The following MYLK4 variants were observed in gnomAD, a reference collection of about 807,000 sequenced individuals.
The protein encoded by MYLK4 is myosin light chain kinase family member 4.
In MYLK4, 46 loss-of-function variants were observed where a neutral mutation model predicts 48.1. The ratio of observed to expected loss-of-function variants is 0.96; its 90% CI spans 0.75 to 1.22. The LOEUF (loss-of-function observed/expected upper bound fraction) is 1.22, where lower values mean the gene tolerates loss of function less well. MYLK4 is among the 50% of genes most tolerant of loss of function. MYLK4 has a pLI of 0.00. For missense variants in MYLK4, 451 were observed against 486.1 expected, an observed-to-expected ratio of 0.93 and a Z score of 0.68; for synonymous variants, 170 against 180.8, an observed-to-expected ratio of 0.94 and a Z score of 0.48.
chr6:2,763,415 G>A, the MYLK4 span, among the ~76,000 whole-genome samples: 1 of 152,244 alleles, frequency 6.6e-6, no homozygotes, highest in Non-Finnish European at 1.5e-5. Flanking sequence ...GGCTTGGGCC[G>A]CGCAGGAGTC....
At chr6:2,769,155 G>A in the MYLK4 span, among the ~76,000 whole-genome samples, 566 of 152,184 alleles carry the variant, frequency 3.7e-3, 3 homozygotes, top group Non-Finnish European at 6.9e-3. Flanking sequence ...TCCAGTTTTA[G>A]GAATTTTTAA....
intron 2 of MYLK4, among the ~76,000 whole-genome samples, chr6:2,722,552 T>TGTGTGTGTGTGC (rs1430778193): frequency 4.1e-5 from 6 of 145,420 alleles, no homozygotes; most frequent in Non-Finnish European, 9.2e-5. Context: ...TGTGTGTGTG[T>TGTGTGTGTGTGC]GTGTTGGAGG....
chr6:2,708,939 A>G (rs1376980210), intron 2 of MYLK4, among the ~76,000 whole-genome samples: 1 of 152,222 alleles, frequency 6.6e-6, no homozygotes, highest in South Asian at 2.1e-4. Context: ...ATTCTTTTAG[A>G]AGATATTTTG....
At chr6:2,709,255 T>G (rs1338867247) in intron 2 of MYLK4, among the ~76,000 whole-genome samples, 1 of 152,258 alleles carries the variant, frequency 6.6e-6, no homozygotes, top group Non-Finnish European at 1.5e-5. Flanking sequence ...CATCTGGTCA[T>G]GCTGTAAGGA....
chr6:2,739,172 G>A (rs1055956809), intron 2 of MYLK4, among the ~76,000 whole-genome samples: 8 of 152,060 alleles, frequency 5.3e-5, no homozygotes, highest in Admixed American at 2.6e-4. Context: ...TACCAACTTC[G>A]GCCAGGCACA....
intron 2 of MYLK4, among the ~76,000 whole-genome samples, chr6:2,725,938 C>T (rs9405183): frequency 0.5 from 76,357 of 152,062 alleles, 20,419 homozygotes; most frequent in Non-Finnish European, 0.58. Flanking sequence ...TTTCATAAGG[C>T]GCTCTAGCAC....
intron 2 of MYLK4, among the ~76,000 whole-genome samples, chr6:2,695,821 GA>G (rs1762037174): frequency 1.3e-5 from 2 of 152,272 alleles, no homozygotes; most frequent in East Asian, 3.9e-4. Context: ...TGCTAAAATA[GA>G]AAGCTCAAGT....
At chr6:2,688,085 A>T (rs1761627557) in intron 4 of MYLK4, among the ~76,000 whole-genome samples, 1 of 149,674 alleles carries the variant, frequency 6.7e-6, no homozygotes, top group Non-Finnish European at 1.5e-5. Flanking sequence ...TTTGAGACAG[A>T]GTCTTACTCT....
At chr6:2,754,739 A>G (rs897361373), upstream of MYLK4, among the ~76,000 whole-genome samples, 1 of 152,184 alleles carries the variant, frequency 6.6e-6, no homozygotes, top group African/African-American at 2.4e-5. Flanking sequence ...GAGAGGAAAA[A>G]ACTGAACACT....
the MYLK4 span, among the ~76,000 whole-genome samples, chr6:2,763,590 C>G: frequency 6.6e-6 from 1 of 152,268 alleles, no homozygotes; most frequent in Non-Finnish European, 1.5e-5. Context: ...TACTCCCACC[C>G]GGAACTCGCG....
At chr6:2,671,031 G>T (rs541710269) in intron 12 of MYLK4, among the ~76,000 whole-genome samples, 4 of 151,918 alleles carry the variant, frequency 2.6e-5, no homozygotes, top group African/African-American at 9.7e-5. Flanking sequence ...GAATGATCTC[G>T]TGGGAGCCAC....
intron 2 of MYLK4, among the ~76,000 whole-genome samples, chr6:2,718,085 C>G (rs2113276463): frequency 6.6e-6 from 1 of 150,572 alleles, no homozygotes; most frequent in Middle Eastern, 3.4e-3. Flanking sequence ...GAGGCTGAGG[C>G]AGGAGAATCA....
intron 2 of MYLK4, among the ~76,000 whole-genome samples, chr6:2,714,963 T>C (rs2113264112): frequency 6.6e-6 from 1 of 152,212 alleles, no homozygotes; most frequent in African/African-American, 2.4e-5. Flanking sequence ...GGGAAGTTGG[T>C]CTTTAATGGG....
chr6:2,764,481 C>A, the MYLK4 span, among the ~76,000 whole-genome samples: 1 of 152,216 alleles, frequency 6.6e-6, no homozygotes, highest in South Asian at 2.1e-4. Flanking sequence ...AGTCTTCATT[C>A]TCCCTCAATT....
the MYLK4 span, chr6:2,768,897 T>A: frequency 6.3e-7 from 1 of 1,595,806 alleles, no homozygotes; most frequent in Non-Finnish European, 8.5e-7. Flanking sequence ...ATTAACTTCC[T>A]TCTACCTTTT....
chr6:2,696,539 C>T (rs972566283), intron 2 of MYLK4, among the ~76,000 whole-genome samples: 3 of 152,226 alleles, frequency 2.0e-5, no homozygotes, highest in South Asian at 2.1e-4. Context: ...ACGGGGCCCT[C>T]GCCAGGCCCT....
intron 2 of MYLK4, among the ~76,000 whole-genome samples, chr6:2,717,297 C>T (rs894925293): frequency 6.6e-6 from 1 of 151,972 alleles, no homozygotes; most frequent in Non-Finnish European, 1.5e-5. Flanking sequence ...GGTAGAAGTT[C>T]ACACCTGATC....
chr6:2,680,532 G>A, intron 7 of MYLK4: 2 of 985,432 alleles, frequency 2.0e-6, no homozygotes, highest in Non-Finnish European at 1.2e-6. Flanking sequence ...TCACCATAAT[G>A]CCTGAGTTCA....
chr6:2,743,527 CTG>C (rs1763967315), intron 2 of MYLK4, among the ~76,000 whole-genome samples: 1 of 152,196 alleles, frequency 6.6e-6, no homozygotes, highest in Non-Finnish European at 1.5e-5. Flanking sequence ...ACTGCAGGTG[CTG>C]TGTTTGCAAT....
Sources: allele counts gnomAD v4.1 joint callset (sites outside exome capture counted in the v4.1 genomes callset), GRCh38; gene constraint gnomAD v4.1.1; transcripts MANE v1.5; gene names NCBI Gene and HGNC (gene_info 2026-07-23, HGNC 2026-07-21).